The following NCAPG2 variants were observed in gnomAD, a reference collection of about 807,000 sequenced individuals.
NCAPG2 encodes the protein non-SMC condensin II complex subunit G2, also known as condensin-2 complex subunit G2.
NCAPG2 carries 53 observed loss-of-function variants against 141.1 expected under a neutral mutation model. That is an observed-to-expected ratio of 0.38 (90% CI 0.30 to 0.47). The LOEUF is 0.47. Ranked by LOEUF, NCAPG2 falls within the 20% of genes least tolerant of loss-of-function variation. The probability of loss-of-function intolerance (pLI) is 0.99; values close to 1 mark genes in which losing one functional copy is unlikely to be tolerated. For missense variants in NCAPG2, 1,087 were observed against 1,389.0 expected (o/e 0.78, Z 3.46); for synonymous variants, 499 against 490.7 (o/e 1.02, Z -0.22).
intron 9 of NCAPG2, among the ~76,000 whole-genome samples, chr7:158,682,004 T>A (rs993195481): frequency 6.6e-6 from 1 of 152,188 alleles, no homozygotes. Context: ...GTGTTATAAG[T>A]TGTGACAAAA....
chr7:158,650,466 G>A (rs529498729), intron 24 of NCAPG2, among the ~76,000 whole-genome samples: 2 of 152,310 alleles, frequency 1.3e-5, no homozygotes, highest in East Asian at 1.9e-4. Flanking sequence ...GAGTAGTCTT[G>A]TATTCTGCTC....
chr7:158,701,686 T>C, intron 2 of NCAPG2, 136 bp downstream of exon 2: 1 of 805,490 alleles, frequency 1.2e-6, no homozygotes, highest in Non-Finnish European at 2.0e-6. Context: ...AAGGGTTTTG[T>C]TTTCTTCTTT....
Position 158,656,819 on chromosome 7 carries a change from A to G in NCAPG2, c.2061-114T>C, listed in dbSNP as rs1277475037. On this transcript the variant is annotated intron_variant, in intron 17 of 27. Coordinates refer to ENST00000356309, the MANE Select transcript of NCAPG2 (RefSeq NM_017760.7). ...ATCTGACGGTGCATAAGCCCTTGTT[A>G]TTATATTAGCACTTCCATGCTCTCC... 3.3e-6 allele frequency: 4 copies of G among 1,226,912 alleles called. No individual in the cohort carries two copies. In the African/African-American group the frequency reaches 4.6e-5, roughly 14 times the overall value. The allele number at this position is 1,226,912 out of a possible 1,614,324, so 76.0% of individuals were successfully genotyped here. A position where few individuals can be genotyped will look rare whatever the true frequency, so the allele number is the denominator to read the frequency against.
At position 158,650,847 on chromosome 7, in the gene NCAPG2, A is replaced by G. The variant is rs1449266402; in HGVS notation, c.3060T>C (p.Ser1020=). 1 of 1,612,156 alleles carries G rather than the reference A, an allele frequency of 6.2e-7. No individual in the cohort carries two copies. Among genetic ancestry groups the G allele is most frequent in the East Asian group, 2.2e-5 (1 of 44,854 alleles). Residue 1020 remains serine, a synonymous_variant, in exon 24 of 28, where the codon AGT becomes AGC. Coordinates refer to ENST00000356309, the MANE Select transcript of NCAPG2 (RefSeq NM_017760.7). ...AGCACTTCACCTTCCGTAGCTGGTG[A>G]CTTATCTCAACCACAGGCCCAGCGA... ...TLIAGPVVEI[S]HQLRKVSDVE...
chr7:158,644,258 T>A, intron 27 of NCAPG2, 31 bp downstream of exon 27: 2 of 1,537,902 alleles, frequency 1.3e-6, no homozygotes, highest in Non-Finnish European at 1.8e-6. Context: ...CAGTTTTAGA[T>A]GATCACATCT....
At chr7:158,675,437 C>T (rs1833991291) in intron 12 of NCAPG2, 40 bp downstream of exon 12, 1 of 1,473,186 alleles carries the variant, frequency 6.8e-7, no homozygotes, top group East Asian at 2.5e-5. Flanking sequence ...AATTATTCTA[C>T]AACAAATAAA....
At chr7:158,681,516 G>C (rs1834453997) in intron 9 of NCAPG2, among the ~76,000 whole-genome samples, 1 of 152,102 alleles carries the variant, frequency 6.6e-6, no homozygotes, top group African/African-American at 2.4e-5. Flanking sequence ...TGAAAATTTT[G>C]AAAGATTAAA....
In NCAPG2 at chr7:158,654,629, T is replaced by A; in HGVS notation, c.2712A>T (p.Gln904His). ...VGLGDHQFQM[Q>H]LLQRSLGIMQ... is the part of the protein sequence containing the mutation. ...TGATTCCAAGACTCCGCTGTAAGAG[T>A]TGCATCTGAAACTGATGGTCACCAA... The change falls in exon 22 of 28, where the codon CAA becomes CAT. Residue 904 changes from glutamine to histidine, a missense_variant. Transcript: ENST00000356309. The A allele has an allele frequency of 1.2e-6, 2 of 1,613,936 alleles. No individual in the cohort carries two copies. Among genetic ancestry groups the A allele is most frequent in the South Asian group, 1.1e-5 (1 of 91,056 alleles).
At position 158,631,645 on chromosome 7, in the gene NCAPG2, T is replaced by C. The variant is rs375974950; in HGVS notation, c.*21A>G. 47 of 1,557,092 alleles carry C rather than the reference T, an allele frequency of 3.0e-5. No individual in the cohort carries two copies. The highest frequency in any genetic ancestry group is 4.1e-5 in the Non-Finnish European group (46 of 1,129,224). On this transcript the variant is annotated 3_prime_UTR_variant, in exon 28 of 28. Coordinates refer to ENST00000356309, the MANE Select transcript of NCAPG2 (RefSeq NM_017760.7). ...TGAATCACTTTTCCCTATTTTTACATGTCTGGAGATGTTGGCTTGGTTATG... is the reference window on the plus strand; with the variant it reads ...TGAATCACTTTTCCCTATTTTTACACGTCTGGAGATGTTGGCTTGGTTATG...
At chr7:158,640,178 G>A (rs1830547341) in intron 27 of NCAPG2, 1 of 152,072 alleles carries the variant, frequency 6.6e-6, no homozygotes, top group Admixed American at 6.6e-5. Context: ...TATCTACTGA[G>A]GAGCAAAAAA....
At position 158,689,961 on chromosome 7, in the gene NCAPG2, T is replaced by A. The variant is rs1019720964; in HGVS notation, c.538-8A>T. 13 of 1,496,046 alleles carry A rather than the reference T, an allele frequency of 8.7e-6. No homozygotes were observed. Among genetic ancestry groups the A allele is most frequent in the African/African-American group, 2.9e-5 (2 of 69,524 alleles). 92.7% of individuals were successfully genotyped at this position (1,496,046 alleles called of 1,614,324 possible). A position where few individuals can be genotyped will look rare whatever the true frequency, so the allele number is the denominator to read the frequency against. On this transcript the variant is annotated splice_polypyrimidine_tract_variant and splice_region_variant and intron_variant, in intron 5 of 27. Transcript: ENST00000356309. The stretch of plus-strand genomic sequence containing the variant: ...CCGACATACGTCTGCACCCTAGGAA[T>A]GACACAAAAAATGTGATACCTTTTT...
At chr7:158,655,526 A>C in intron 19 of NCAPG2, 71 bp from the exon 20 acceptor site, 1 of 1,289,688 alleles carries the variant, frequency 7.8e-7, no homozygotes, top group Non-Finnish European at 1.1e-6. Flanking sequence ...CAGCAAGAAC[A>C]ATGGGAAGCA....
At chr7:158,637,594 A>G (rs1419056700) in intron 27 of NCAPG2, among the ~76,000 whole-genome samples, 1 of 2,810 alleles carries the variant, frequency 3.6e-4, no homozygotes, top group Non-Finnish European at 8.2e-4. Flanking sequence ...GCTCCCCAGC[A>G]CCTCCCCTGC....
intron 27 of NCAPG2, among the ~76,000 whole-genome samples, chr7:158,642,021 TA>T (rs1437316017): frequency 1.3e-5 from 2 of 151,978 alleles, no homozygotes; most frequent in East Asian, 3.8e-4. Flanking sequence ...TTCACGAATT[TA>T]AAAGAACAGA....
intron 27 of NCAPG2, among the ~76,000 whole-genome samples, chr7:158,634,076 G>C (rs1268322527): frequency 3.9e-5 from 6 of 152,038 alleles, no homozygotes; most frequent in Non-Finnish European, 8.8e-5. Flanking sequence ...AAATAATATT[G>C]TCTCCTTAAG....
chr7:158,697,454 T>C (rs1162601528), intron 2 of NCAPG2, among the ~76,000 whole-genome samples: 1 of 151,952 alleles, frequency 6.6e-6, no homozygotes, highest in Admixed American at 6.6e-5. Flanking sequence ...ATACAGAAAT[T>C]AGCCGGTGTG....
At chr7:158,698,452 G>A (rs923952044) in intron 2 of NCAPG2, among the ~76,000 whole-genome samples, 2 of 152,068 alleles carry the variant, frequency 1.3e-5, no homozygotes, top group South Asian at 2.1e-4. Context: ...TATTTTTACT[G>A]TACCTTTTCA....
intron 6 of NCAPG2, among the ~76,000 whole-genome samples, chr7:158,687,694 G>A (rs1453424286): frequency 6.6e-6 from 1 of 152,224 alleles, no homozygotes; most frequent in Non-Finnish European, 1.5e-5. Flanking sequence ...GGCCACAGGT[G>A]CAGAGATGGA....
At chr7:158,667,481 G>C (rs1292080446) in intron 13 of NCAPG2, among the ~76,000 whole-genome samples, 3 of 140,112 alleles carry the variant, frequency 2.1e-5, no homozygotes, top group African/African-American at 8.7e-5. Context: ...CCACTACTGG[G>C]TCCCTCCGCC....
Sources: allele counts gnomAD v4.1 joint callset (sites outside exome capture counted in the v4.1 genomes callset), GRCh38; gene constraint gnomAD v4.1.1; transcripts MANE v1.5; gene names NCBI Gene and HGNC (gene_info 2026-07-23, HGNC 2026-07-21).